Variants in DENND1A observed in about 807,000 individuals in gnomAD.
DENND1A encodes the protein DENN domain containing 1A.
A neutral mutation model predicts 113.7 loss-of-function variants in DENND1A; 51 were observed. The ratio of observed to expected loss-of-function variants is 0.45; its 90% CI spans 0.36 to 0.57. DENND1A has a LOEUF of 0.57. DENND1A is among the 20% of genes least tolerant of loss of function. DENND1A has a pLI of 0.00. For missense variants in DENND1A, 1,258 were observed against 1,395.9 expected (o/e 0.90, Z 1.57); for synonymous variants, 565 against 570.8 (o/e 0.99, Z 0.14).
At chr9:123,604,636 C>G (rs148480785) in intron 11 of DENND1A, among the ~76,000 whole-genome samples, 30 of 152,260 alleles carry the variant, frequency 2.0e-4, no homozygotes, top group African/African-American at 6.5e-4. Context: ...CTGGAGTTAG[C>G]ACAGCAGGGA....
intron 3 of DENND1A, among the ~76,000 whole-genome samples, chr9:123,771,579 T>C (rs1829739741): frequency 6.6e-6 from 1 of 152,184 alleles, no homozygotes; most frequent in South Asian, 2.1e-4. Context: ...GGAGTTGTAC[T>C]GGCAAAAGGC....
intron 10 of DENND1A, among the ~76,000 whole-genome samples, chr9:123,625,356 G>A (rs1286777433): frequency 6.6e-6 from 1 of 152,218 alleles, no homozygotes; most frequent in Non-Finnish European, 1.5e-5. Context: ...TTATGTTACT[G>A]ACAGAGCATT....
At chr9:123,664,372 T>C (rs7029417) in intron 8 of DENND1A, among the ~76,000 whole-genome samples, 59,594 of 151,996 alleles carry the variant, frequency 0.39, 13,347 homozygotes, top group African/African-American at 0.61. Flanking sequence ...TTAAATTTAT[T>C]GAATAAGTTT....
At chr9:123,580,323 A>G (rs928106667) in intron 12 of DENND1A, among the ~76,000 whole-genome samples, 8 of 152,058 alleles carry the variant, frequency 5.3e-5, no homozygotes, top group African/African-American at 1.2e-4. Flanking sequence ...ATCCTCCCCA[A>G]AATTTTGTTA....
At chr9:123,826,577 C>T (rs1293693228) in intron 2 of DENND1A, among the ~76,000 whole-genome samples, 3 of 152,154 alleles carry the variant, frequency 2.0e-5, no homozygotes, top group Non-Finnish European at 2.9e-5. Context: ...ACACCACATT[C>T]CATGATACCC....
At chr9:123,818,002 G>A (rs565892862) in intron 2 of DENND1A, among the ~76,000 whole-genome samples, 4 of 151,360 alleles carry the variant, frequency 2.6e-5, no homozygotes, top group African/African-American at 9.7e-5. Context: ...ACTCCAGCCT[G>A]ACCAACAGAG....
At chr9:123,550,287 C>T (rs766508356) in intron 13 of DENND1A, among the ~76,000 whole-genome samples, 4 of 152,214 alleles carry the variant, frequency 2.6e-5, no homozygotes, top group Non-Finnish European at 5.9e-5. Flanking sequence ...CTGCCCCCAC[C>T]CAGCATTCGC....
chr9:123,447,352 G>A (rs1011930015), intron 18 of DENND1A, among the ~76,000 whole-genome samples: 4 of 152,044 alleles, frequency 2.6e-5, no homozygotes, highest in Non-Finnish European at 4.4e-5. Context: ...TCACACCATC[G>A]GATCTATTAA....
intron 23 of DENND1A, among the ~76,000 whole-genome samples, chr9:123,383,115 A>G (rs1427138726): frequency 6.6e-6 from 1 of 152,182 alleles, no homozygotes; most frequent in Non-Finnish European, 1.5e-5. Flanking sequence ...CCAGCAGGGA[A>G]CACTCATGAA....
At chr9:123,589,648 A>AAG (rs2059363377) in intron 11 of DENND1A, among the ~76,000 whole-genome samples, 1 of 85,718 alleles carries the variant, frequency 1.2e-5, no homozygotes, top group Non-Finnish European at 2.1e-5. Flanking sequence ...TCTCAGAATG[A>AAG]AAAAAAAAAA....
At chr9:123,713,189 A>G (rs937984874) in intron 5 of DENND1A, among the ~76,000 whole-genome samples, 3 of 152,182 alleles carry the variant, frequency 2.0e-5, no homozygotes, top group Non-Finnish European at 2.9e-5. Context: ...AATCTCTTGG[A>G]CATGACAAAA....
chr9:123,631,730 CT>C lies in DENND1A; in HGVS notation c.619-1255del, dbSNP rs1340102532. 1.2e-4 allele frequency among the ~76,000 whole-genome samples: 19 copies of C among 152,322 alleles called. No homozygotes were observed. The East Asian group carries it at 3.1e-3, about 25-fold the overall frequency. On this transcript the variant is annotated intron_variant, in intron 9 of 23. Transcript: ENST00000394215. Reference sequence around the variant, plus strand: ...CTGACTAATCCTTCCTCTCCACAGTCTTTTGACTTGCCCCTATTTTGTATTC... The same window carrying C: ...CTGACTAATCCTTCCTCTCCACAGTCTTTGACTTGCCCCTATTTTGTATTC...
chr9:123,741,255 G>A (rs2068996850), intron 5 of DENND1A, among the ~76,000 whole-genome samples: 1 of 152,100 alleles, frequency 6.6e-6, no homozygotes, highest in South Asian at 2.1e-4. Flanking sequence ...GGCATACCTG[G>A]AAATAAATAT....
chr9:123,555,812 C>T (rs2057383625), intron 13 of DENND1A, among the ~76,000 whole-genome samples: 1 of 152,162 alleles, frequency 6.6e-6, no homozygotes, highest in African/African-American at 2.4e-5. Context: ...GAGCCTGTGC[C>T]CAGATCCTGC....
At chr9:123,396,101 G>A (rs149178146) in intron 21 of DENND1A, among the ~76,000 whole-genome samples, 309 of 152,290 alleles carry the variant, frequency 2.0e-3, no homozygotes, top group African/African-American at 6.5e-3. Flanking sequence ...TGGGTGGTTC[G>A]TGGGGGAGGT....
chr9:123,576,664 A>C (rs1321967098), intron 12 of DENND1A, among the ~76,000 whole-genome samples: 2 of 152,076 alleles, frequency 1.3e-5, no homozygotes, highest in African/African-American at 4.8e-5. Flanking sequence ...ATGACTGGCT[A>C]ATTTTTGTAG....
In DENND1A at chr9:123,917,044, C is replaced by A. The variant is rs527786084; in HGVS notation, c.17+12845G>T. 5.9e-5 allele frequency among the ~76,000 whole-genome samples: 9 copies of A among 152,028 alleles called. No individual in the cohort carries two copies. In the South Asian group the frequency reaches 6.2e-4, roughly 10 times the overall value. ...ACTAAAAATACAAACATCAGCTGGG[C>A]ATGGTGGCAGTTACCCGTAGTCCCA... On this transcript the variant is annotated intron_variant, in intron 1 of 23. Coordinates refer to ENST00000394215, the MANE Select transcript of DENND1A (RefSeq NM_001352964.2).
At chr9:123,575,896 T>C (rs2058609374) in intron 12 of DENND1A, among the ~76,000 whole-genome samples, 1 of 152,244 alleles carries the variant, frequency 6.6e-6, no homozygotes, top group African/African-American at 2.4e-5. Flanking sequence ...AATTATACAA[T>C]TGGGTCTTGC....
At chr9:123,913,005 G>A (rs943932804) in intron 1 of DENND1A, among the ~76,000 whole-genome samples, 13 of 151,378 alleles carry the variant, frequency 8.6e-5, no homozygotes, top group Non-Finnish European at 1.5e-4. Flanking sequence ...GGATGTCAAC[G>A]GAAGCAGAGT....
Sources: gnomAD v4.1 joint callset for allele counts (sites outside exome capture counted in the v4.1 genomes callset) on GRCh38, gnomAD v4.1.1 for gene constraint, MANE v1.5 for transcripts, NCBI Gene and HGNC (gene_info 2026-07-23, HGNC 2026-07-21) for gene names.